The following PITPNM3 variants were observed in gnomAD, a reference collection of about 807,000 sequenced individuals.
The protein encoded by PITPNM3 is membrane-associated phosphatidylinositol transfer protein 3.
PITPNM3 carries 26 observed loss-of-function variants against 102.0 expected under a neutral mutation model. The observed-to-expected ratio is 0.25, with a 90% CI of 0.19 to 0.35. The LOEUF (loss-of-function observed/expected upper bound fraction) is 0.35, where lower values mean the gene tolerates loss of function less well. Among genes scored for constraint, PITPNM3 ranks in the 10% least tolerant of loss-of-function variants. PITPNM3 has a pLI of 1.00. For synonymous variants in PITPNM3, 578 were observed against 558.6 expected, an observed-to-expected ratio of 1.03 and a Z score of -0.49; for missense variants, 1,083 against 1,346.1, an observed-to-expected ratio of 0.80 and a Z score of 3.06.
chr17:6,552,762 C>CTTTT (rs34225911), intron 1 of PITPNM3, among the ~76,000 whole-genome samples: 24 of 89,002 alleles, frequency 2.7e-4, no homozygotes, highest in South Asian at 4.0e-4. Flanking sequence ...CTTTCTTTTT[C>CTTTT]TTTTTTTTTT....
intron 1 of PITPNM3, among the ~76,000 whole-genome samples, chr17:6,554,960 C>T (rs532914637): frequency 1.4e-4 from 21 of 152,318 alleles, no homozygotes; most frequent in African/African-American, 4.6e-4. Context: ...GTGCTCAAGG[C>T]GTCCCAGTGC....
At chr17:6,551,791 C>T (rs984575751) in intron 1 of PITPNM3, among the ~76,000 whole-genome samples, 3 of 151,856 alleles carry the variant, frequency 2.0e-5, no homozygotes, top group African/African-American at 7.3e-5. Context: ...ATGTTTCCTC[C>T]TCTGAGTGAT....
chr17:6,555,380 C>A (rs1910546743), intron 1 of PITPNM3, among the ~76,000 whole-genome samples: 1 of 152,236 alleles, frequency 6.6e-6, no homozygotes, highest in Non-Finnish European at 1.5e-5. Context: ...CACACCCATT[C>A]CTTCACTGTC....
intron 4 of PITPNM3, among the ~76,000 whole-genome samples, chr17:6,485,641 C>T (rs926895251): frequency 6.6e-6 from 1 of 152,228 alleles, no homozygotes; most frequent in Non-Finnish European, 1.5e-5. Context: ...TTAAGGTCGG[C>T]ATTTGAAACA....
In PITPNM3 at chr17:6,474,563, G is replaced by A. The variant is rs377593957; in HGVS notation, c.1127C>T (p.Ala376Val). ...SVLKDESETPAAGGPQLPEVS... is the reference protein window; with the variant it reads ...SVLKDESETPVAGGPQLPEVS... Reference sequence around the variant, plus strand: ...CTCAGGGAGCTGCGGCCCCCCAGCCGCCGGGGTCTCAGACTCATCCTTTAG... The same window carrying A: ...CTCAGGGAGCTGCGGCCCCCCAGCCACCGGGGTCTCAGACTCATCCTTTAG... The change falls in exon 10 of 20, where the codon GCG becomes GTG. Residue 376 changes from alanine (A) to valine (V), a missense_variant. Physicochemically the swap from Ala to Val is moderately conservative, Grantham distance 64. Transcript: ENST00000262483. 9.3e-5 allele frequency: 148 copies of A among 1,592,846 alleles called. No individual in the cohort carries two copies. The highest frequency in any genetic ancestry group is 1.1e-4 in the Non-Finnish European group (133 of 1,170,398).
intron 3 of PITPNM3, among the ~76,000 whole-genome samples, chr17:6,521,838 C>T (rs1437312243): frequency 6.6e-6 from 1 of 152,196 alleles, no homozygotes; most frequent in African/African-American, 2.4e-5. Context: ...GTGAACTCCA[C>T]CAACCTGACC....
intron 4 of PITPNM3, among the ~76,000 whole-genome samples, chr17:6,485,059 C>T (rs998487525): frequency 2.0e-5 from 3 of 152,140 alleles, no homozygotes; most frequent in Non-Finnish European, 2.9e-5. Flanking sequence ...CTGGGCCTCC[C>T]GACTTCCAGA....
rs113556371 is a variant in PITPNM3, at chr17:6,503,391, G to A, written c.274+136C>T. On this transcript the variant is annotated intron_variant, in intron 4 of 19. Transcript: ENST00000262483. Reference sequence around the variant, plus strand: ...CAGGCTGAGTGACCCCAGGCCCTCCGGTACTGCCTGCAGGCAAGATGGCAG... The same window carrying A: ...CAGGCTGAGTGACCCCAGGCCCTCCAGTACTGCCTGCAGGCAAGATGGCAG... 7.3e-4 allele frequency: 739 copies of A among 1,011,998 alleles called. 2 individuals carry two copies. In the African/African-American group the frequency reaches 9.7e-3, roughly 13 times the overall value. 62.7% of individuals were successfully genotyped at this position (1,011,998 alleles called of 1,614,324 possible).
Position 6,478,022 on chromosome 17 carries a change from C to T in PITPNM3, c.853G>A (p.Asp285Asn), listed in dbSNP as rs751707041. Residue 285 changes from aspartate to asparagine, a missense_variant, in exon 8 of 20, where the codon GAC (aspartate) becomes AAC (asparagine). Physicochemically the swap from Asp to Asn is conservative, Grantham distance 23 (BLOSUM62 1). Transcript: ENST00000262483. The surrounding 1 kb of genome is among the most constrained non-coding windows in gnomAD (Gnocchi z 4.4). ...TTCCGGCTGCTGCTGGCAGGGCTGT[C>T]CCCTGAGGGCCCCGCACTGTAGCAG... ...AICYSAGPSG[D>N]SPASSSRKGS... The T allele has an allele frequency of 5.8e-5, 94 of 1,613,460 alleles. No individual in the cohort carries two copies. The highest frequency in any genetic ancestry group is 7.7e-5 in the Non-Finnish European group (91 of 1,180,044).
chr17:6,549,079 G>A (rs895171131), intron 1 of PITPNM3, among the ~76,000 whole-genome samples: 2 of 152,010 alleles, frequency 1.3e-5, no homozygotes, highest in Non-Finnish European at 2.9e-5. Flanking sequence ...CCCCTGGTAG[G>A]TGGTTCACTC....
intron 1 of PITPNM3, among the ~76,000 whole-genome samples, chr17:6,550,937 G>A (rs997521525): frequency 5.3e-5 from 8 of 152,218 alleles, no homozygotes; most frequent in African/African-American, 1.7e-4. Context: ...GGCAACAAAC[G>A]TCTCAGGCTG....
Position 6,464,502 on chromosome 17 carries a change from C to A in PITPNM3, c.2007+153G>T, listed in dbSNP as rs3809838. 4.6e-4 allele frequency among the ~76,000 whole-genome samples: 70 copies of A among 152,300 alleles called. 2 individuals are homozygous for A. The East Asian group carries it at 0.011, about 24-fold the overall frequency. On this transcript the variant is annotated intron_variant, in intron 15 of 19. Coordinates refer to ENST00000262483, the MANE Select transcript of PITPNM3 (RefSeq NM_031220.4). The stretch of plus-strand genomic sequence containing the variant: ...TCCTTTCCTCCTTGCTCACCCTTCC[C>A]GGCCCGCCCAAGCAGGTGGGTAGCT...
chr17:6,554,352 C>T (rs1275095533), intron 1 of PITPNM3, among the ~76,000 whole-genome samples: 1 of 145,622 alleles, frequency 6.9e-6, no homozygotes, highest in Non-Finnish European at 1.5e-5. Flanking sequence ...AGAGAAGGGA[C>T]ATTTACAAAA....
At chr17:6,466,261 A>G (rs1012869341) in intron 14 of PITPNM3, among the ~76,000 whole-genome samples, 3 of 152,226 alleles carry the variant, frequency 2.0e-5, no homozygotes, top group Non-Finnish European at 4.4e-5. Context: ...CATCGCCAAG[A>G]AACACTCCTC....
At chr17:6,497,441 G>C (rs1312479864) in intron 4 of PITPNM3, among the ~76,000 whole-genome samples, 1 of 152,206 alleles carries the variant, frequency 6.6e-6, no homozygotes. Context: ...CCAGGGGCTG[G>C]AGTTAGGACC....
chr17:6,508,144 T>C (rs909284658), intron 3 of PITPNM3, among the ~76,000 whole-genome samples: 5 of 151,674 alleles, frequency 3.3e-5, no homozygotes, highest in African/African-American at 1.2e-4. Context: ...GGCCAGGAGG[T>C]GAGTGTCCTG....
rs1904943948 is a variant in PITPNM3, at chr17:6,469,377, G to T, written c.1773+883C>A. 6.6e-6 allele frequency among the ~76,000 whole-genome samples: 1 copy of T among 151,826 alleles called. No homozygotes were observed. Among genetic ancestry groups the T allele is most frequent in the Admixed American group, 6.6e-5 (1 of 15,254 alleles). On this transcript the variant is annotated intron_variant, in intron 13 of 19. Transcript: ENST00000262483. The surrounding 1 kb of genome is among the most constrained non-coding windows in gnomAD (Gnocchi z 4.0). ...AGCACCCTGGCCTGGGTGCCACCGG[G>T]CTGGGGACCCACCCCCAGCCCAGCA... is the stretch of plus-strand genomic sequence containing the variant.
rs1909525597 is a variant in PITPNM3 at position 6,537,869 on chromosome 17, G to A, written c.118+118C>T. 5 of 834,488 alleles carry A rather than the reference G, an allele frequency of 6.0e-6. No individual in the cohort carries two copies. Among genetic ancestry groups the A allele is most frequent in the South Asian group, 1.4e-5 (1 of 69,418 alleles). 51.7% of individuals were successfully genotyped at this position (834,488 alleles called of 1,614,324 possible). A position where few individuals can be genotyped will look rare whatever the true frequency, so the allele number is the denominator to read the frequency against. The stretch of plus-strand genomic sequence containing the variant: ...TCCACAGGATGGGTAAGTATGGAGT[G>A]TGGAGCTGCAGATACCACGTCTGAG... On this transcript the variant is annotated intron_variant, in intron 2 of 19. Transcript: ENST00000262483. The surrounding 1 kb of genome is among the most constrained non-coding windows in gnomAD (Gnocchi z 4.4).
intron 17 of PITPNM3, 42 bp downstream of exon 17, chr17:6,463,690 G>GC (rs745980538): frequency 3.7e-6 from 6 of 1,602,836 alleles, no homozygotes; most frequent in Non-Finnish European, 3.4e-6. Context: ...GCTGGCTCCT[G>GC]CCCCCCAGGG....
Sources: allele counts gnomAD v4.1 joint callset (sites outside exome capture counted in the v4.1 genomes callset), GRCh38; gene constraint gnomAD v4.1.1; non-coding constraint Gnocchi (gnomAD v3.1); transcripts MANE v1.5; gene names NCBI Gene and HGNC (gene_info 2026-07-23, HGNC 2026-07-21).